Variants in RAB8B observed in about 807,000 individuals in gnomAD.
RAB8B encodes the protein RAB8B, member RAS oncogene family, also known as ras-related protein Rab-8B.
RAB8B carries 11 observed loss-of-function variants against 32.0 expected under a neutral mutation model. The ratio of observed to expected loss-of-function variants is 0.34; its 90% CI spans 0.22 to 0.57. The LOEUF (loss-of-function observed/expected upper bound fraction) is 0.57. Among genes scored for constraint, RAB8B ranks in the 20% least tolerant of loss-of-function variants. RAB8B has a pLI of 0.86. For synonymous variants in RAB8B, 103 were observed against 89.6 expected, an observed-to-expected ratio of 1.15 and a Z score of -0.85; for missense variants, 190 against 258.5, an observed-to-expected ratio of 0.73 and a Z score of 1.82.
chr15:63,231,500 G>GT (rs71447326), intron 1 of RAB8B, among the ~76,000 whole-genome samples: 2 of 15,290 alleles, frequency 1.3e-4, no homozygotes, highest in African/African-American at 3.9e-4. Context: ...CGTGTTTTTT[G>GT]TTTTTTTTTT....
rs2038211411 is a variant in RAB8B at position 63,262,595 on chromosome 15, AT to A, written c.481-96del. ...AGCCAGGGCAACATAGCAAGACCCC[AT>A]CTCTGAGGCGGGGGGAATATATATA... is the stretch of plus-strand genomic sequence containing the variant. On this transcript the variant is annotated intron_variant, in intron 6 of 7. Transcript: ENST00000321437. 7.9e-6 allele frequency: 3 copies of A among 381,582 alleles called. No homozygotes were observed. In the South Asian group the frequency reaches 2.5e-4, roughly 32 times the overall value. The allele number at this position is 381,582 out of a possible 1,614,324, so 23.6% of individuals were successfully genotyped here. A position where few individuals can be genotyped will look rare whatever the true frequency, so the allele number is the denominator to read the frequency against.
intron 1 of RAB8B, among the ~76,000 whole-genome samples, chr15:63,228,920 A>C (rs566451944): frequency 7.2e-5 from 11 of 152,188 alleles, no homozygotes; most frequent in Non-Finnish European, 1.5e-4. Context: ...TTAGTTTGTA[A>C]TTTTGAAAAT....
In RAB8B at chr15:63,199,839, C is replaced by T. The variant is rs2037633199; in HGVS notation, c.124+10091C>T. Among the ~76,000 whole-genome samples, 4 of 152,212 alleles carry T rather than the reference C, an allele frequency of 2.6e-5. No individual in the cohort carries two copies. In the South Asian group the frequency reaches 8.3e-4, roughly 32 times the overall value. On this transcript the variant is annotated intron_variant, in intron 1 of 7. Coordinates refer to ENST00000321437, the MANE Select transcript of RAB8B (RefSeq NM_016530.3). ...CAAGTGATCTGCCCGCCTCAACCTCCCAAAGTGCTAGGATTACAGGTGTGA... is the reference window on the plus strand; with the variant it reads ...CAAGTGATCTGCCCGCCTCAACCTCTCAAAGTGCTAGGATTACAGGTGTGA...
chr15:63,208,725 C>T (rs1268814021), intron 1 of RAB8B, among the ~76,000 whole-genome samples: 1 of 151,990 alleles, frequency 6.6e-6, no homozygotes, highest in Non-Finnish European at 1.5e-5. Context: ...CTTTATGAGG[C>T]CATGTCAGAA....
In RAB8B at chr15:63,240,810, A is replaced by C. The variant is rs1261920677; in HGVS notation, c.125-3946A>C. 4.1e-4 allele frequency among the ~76,000 whole-genome samples: 62 copies of C among 150,986 alleles called. 1 individual carries two copies. Among genetic ancestry groups the C allele is most frequent in the Admixed American group, 3.2e-3 (48 of 15,174 alleles). On this transcript the variant is annotated intron_variant, in intron 1 of 7. Coordinates refer to ENST00000321437, the MANE Select transcript of RAB8B (RefSeq NM_016530.3). The stretch of plus-strand genomic sequence containing the variant: ...ACTGAAAGGTAATGTTCCTAACAAA[A>C]AAAAAAAAAAAAAAGCCTCTGTCAG...
intron 1 of RAB8B, among the ~76,000 whole-genome samples, chr15:63,231,493 GT>G (rs370434360): frequency 3.4e-5 from 1 of 29,278 alleles, no homozygotes; most frequent in East Asian, 5.9e-4. Flanking sequence ...GGATTTGCGT[GT>G]TTTTTGTTTT....
Position 63,237,042 on chromosome 15 carries a change from C to G in RAB8B, c.125-7714C>G, listed in dbSNP as rs192420509. ...GGCTTATTTCACTTAATATAATGAC[C>G]TCCAGTTCCATCCATGTTGATGCAA... On this transcript the variant is annotated intron_variant, in intron 1 of 7. Coordinates refer to ENST00000321437, the MANE Select transcript of RAB8B (RefSeq NM_016530.3). Among the ~76,000 whole-genome samples, 304 of 152,264 alleles carry G rather than the reference C, an allele frequency of 2.0e-3. 2 individuals carry two copies. The highest frequency in any genetic ancestry group is 0.014 in the Middle Eastern group (4 of 294).
chr15:63,207,943 A>G (rs895429150), intron 1 of RAB8B, among the ~76,000 whole-genome samples: 9 of 146,888 alleles, frequency 6.1e-5, no homozygotes, highest in South Asian at 4.3e-4. Flanking sequence ...TAGGCCCTCA[A>G]TACCTCTCTC....
In RAB8B at chr15:63,248,225, T is replaced by A. The variant is rs1340078520; in HGVS notation, c.186-1420T>A. On this transcript the variant is annotated intron_variant, in intron 2 of 7. Coordinates refer to ENST00000321437, the MANE Select transcript of RAB8B (RefSeq NM_016530.3). This position sits in a 1 kb window ranked among gnomAD's most constrained non-coding sequence, Gnocchi z 4.4. ...AAGATGCTTGTCTCCTTCAAGAGTA[T>A]GAGCTGGGCCGGGTGCAGTGGCTCA... 6.6e-6 allele frequency among the ~76,000 whole-genome samples: 1 copy of A among 152,208 alleles called. No homozygotes were observed. Among genetic ancestry groups the A allele is most frequent in the African/African-American group, 2.4e-5 (1 of 41,456 alleles).
chr15:63,255,650 C>A, intron 4 of RAB8B, 66 bp downstream of exon 4: 1 of 1,345,872 alleles, frequency 7.4e-7, no homozygotes, highest in South Asian at 1.2e-5. Context: ...AAAGGCTCCT[C>A]TGTCTGCAAG....
intron 2 of RAB8B, among the ~76,000 whole-genome samples, chr15:63,246,540 A>G (rs909327935): frequency 2.6e-5 from 4 of 152,192 alleles, no homozygotes; most frequent in Non-Finnish European, 5.9e-5. Flanking sequence ...AGGGCAAGCC[A>G]TGTGGGAAGG....
At chr15:63,214,791 T>C (rs1229335968) in intron 1 of RAB8B, among the ~76,000 whole-genome samples, 1 of 152,156 alleles carries the variant, frequency 6.6e-6, no homozygotes, top group African/African-American at 2.4e-5. Context: ...TTCATGTTTC[T>C]TATCTTTTCC....
chr15:63,262,614 TATATATATGTGTATATATATATATATAC>T, intron 6 of RAB8B, 50 bp from the exon 7 acceptor site: 1 of 404,522 alleles, frequency 2.5e-6, no homozygotes, highest in Non-Finnish European at 3.6e-6. Flanking sequence ...GCGGGGGGAA[TATATATATGTGTATATATATATATATAC>T]ATATATATAG....
chr15:63,223,994 C>G (rs999185206), intron 1 of RAB8B: 3 of 247,448 alleles, frequency 1.2e-5, no homozygotes, highest in Non-Finnish European at 1.7e-5. Context: ...GTCACTCATT[C>G]TCTCCGTGTG....
intron 1 of RAB8B, among the ~76,000 whole-genome samples, chr15:63,209,039 G>A (rs896435640): frequency 4.0e-5 from 6 of 151,484 alleles, no homozygotes; most frequent in African/African-American, 9.7e-5. Flanking sequence ...ATAGGTGCCC[G>A]CCACCACACA....
chr15:63,222,389 G>A (rs2037851744), intron 1 of RAB8B, among the ~76,000 whole-genome samples: 1 of 152,150 alleles, frequency 6.6e-6, no homozygotes, highest in East Asian at 1.9e-4. Context: ...AATATGGTTT[G>A]CAGCAATTTA....
intron 1 of RAB8B, among the ~76,000 whole-genome samples, chr15:63,211,058 A>G (rs2037743103): frequency 1.3e-5 from 2 of 152,262 alleles, no homozygotes; most frequent in African/African-American, 4.8e-5. Context: ...CAATATCAAA[A>G]GATAAACAGC....
At chr15:63,225,872 G>C (rs994916079) in intron 1 of RAB8B, among the ~76,000 whole-genome samples, 1 of 151,752 alleles carries the variant, frequency 6.6e-6, no homozygotes, top group Non-Finnish European at 1.5e-5. Context: ...AGAGGGTCTC[G>C]CTCTGTCACC....
intron 6 of RAB8B, among the ~76,000 whole-genome samples, chr15:63,262,372 A>T (rs2152585751): frequency 6.6e-6 from 1 of 152,316 alleles, no homozygotes; most frequent in South Asian, 2.1e-4. Context: ...CAATCTCAAA[A>T]GAGTAAACAC....
Sources: allele counts gnomAD v4.1 joint callset (sites outside exome capture counted in the v4.1 genomes callset), GRCh38; gene constraint gnomAD v4.1.1; non-coding constraint Gnocchi (gnomAD v3.1); transcripts MANE v1.5; gene names NCBI Gene and HGNC (gene_info 2026-07-23, HGNC 2026-07-21).